The following FBN2 variants were observed in gnomAD, a reference collection of about 807,000 sequenced individuals.
The protein encoded by FBN2 is fibrillin 2.
In FBN2, 105 loss-of-function variants were observed where a neutral mutation model predicts 355.6. The observed-to-expected ratio is 0.30, with a 90% confidence interval of 0.25 to 0.35. The LOEUF is 0.35. FBN2 is among the 10% of genes least tolerant of loss of function. FBN2 has a pLI of 1.00. For missense variants in FBN2, 3,280 were observed against 3,758.7 expected (o/e 0.87, Z 3.33); for synonymous variants, 1,350 against 1,301.2 (o/e 1.04, Z -0.81).
chr5:128,419,824 T>C (rs1753299614), intron 7 of FBN2, among the ~76,000 whole-genome samples: 1 of 152,012 alleles, frequency 6.6e-6, no homozygotes, highest in African/African-American at 2.4e-5. Context: ...TCCCAAGTAC[T>C]AGCTTGGATT....
intron 7 of FBN2, 28 bp from the exon 8 acceptor site, chr5:128,408,827 T>A (rs775842678): frequency 6.2e-7 from 1 of 1,613,510 alleles, no homozygotes; most frequent in Admixed American, 1.7e-5. Context: ...GAGAAGATGA[T>A]TGAGAAAGGC....
chr5:128,483,732 G>T (rs1245013660), intron 5 of FBN2, among the ~76,000 whole-genome samples: 3 of 151,990 alleles, frequency 2.0e-5, no homozygotes, highest in African/African-American at 7.3e-5. Flanking sequence ...GGCAATCAGG[G>T]GTGGGGGGTG....
In FBN2 at chr5:128,506,989, TTTG is replaced by T. The variant is rs532250767; in HGVS notation, c.628+12281_628+12283del. Among the ~76,000 whole-genome samples the T allele has an allele frequency of 7.2e-4, 110 of 152,186 alleles. 1 individual carries two copies. The South Asian group carries it at 0.013, about 18-fold the overall frequency. On this transcript the variant is annotated intron_variant, in intron 5 of 64. Coordinates refer to ENST00000262464, the MANE Select transcript of FBN2 (RefSeq NM_001999.4). ...ATATTATTGATACATTTGCTAAAAT[TTTG>T]TTGAGAAATTGTATATCATAATTGA...
rs115223340 is a variant in FBN2 at position 128,287,347 on chromosome 5, T to G, written c.6841A>C (p.Ile2281Leu). 2 of 1,613,910 alleles carry G rather than the reference T, an allele frequency of 1.2e-6. No homozygotes were observed. Among genetic ancestry groups the G allele is most frequent in the Non-Finnish European group, 1.7e-6 (2 of 1,179,938 alleles). ...TFGSYECTCP[I>L]GYALREDQKM... ...TGATCTTCCCTGAGGGCATAGCCAA[T>G]CGGGCACGTGCATTCATAGGACCCA... The change falls in exon 54 of 65, where the codon ATT (isoleucine) becomes CTT (leucine). Residue 2281 changes from isoleucine (I) to leucine (L), a missense_variant. By Grantham distance (5) the Ile-to-Leu change is conservative (BLOSUM62 2). Coordinates refer to ENST00000262464, the MANE Select transcript of FBN2 (RefSeq NM_001999.4).
At chr5:128,341,704 A>G (rs1205258226) in intron 25 of FBN2, among the ~76,000 whole-genome samples, 1 of 152,042 alleles carries the variant, frequency 6.6e-6, no homozygotes, top group Admixed American at 6.5e-5. Flanking sequence ...TCATAGCCCC[A>G]TTTCTTTCTC....
Position 128,263,603 on chromosome 5 carries a change from T to C in FBN2, c.8014A>G (p.Thr2672Ala). The change falls in exon 63 of 65, where the codon ACC becomes GCC. Residue 2672 changes from threonine to alanine, a missense_variant. By Grantham distance (58) the Thr-to-Ala change is moderately conservative (BLOSUM62 0). Around this residue, in one of 6 missense-constraint regions of FBN2, gnomAD observed 311 missense variants for 319.1 expected, o/e 0.97. Transcript: ENST00000262464. ...CAGGCGCACTTGTAACTCCCCAGGGTGTTGTAGCAGGAAGCAGAGCCACAG... is the reference window on the plus strand; with the variant it reads ...CAGGCGCACTTGTAACTCCCCAGGGCGTTGTAGCAGGAAGCAGAGCCACAG... ...NACGSASCYN[T>A]LGSYKCACPS... 6.2e-7 allele frequency: 1 copy of C among 1,613,760 alleles called. No homozygotes were observed. Among genetic ancestry groups the C allele is most frequent in the Non-Finnish European group, 8.5e-7 (1 of 1,179,934 alleles).
At chr5:128,320,180 T>C (rs924675662) in intron 34 of FBN2, among the ~76,000 whole-genome samples, 1 of 152,068 alleles carries the variant, frequency 6.6e-6, no homozygotes, top group African/African-American at 2.4e-5. Context: ...TGTTAATTTA[T>C]ACTCAAAAAG....
intron 14 of FBN2, among the ~76,000 whole-genome samples, chr5:128,376,370 T>A (rs954822183): frequency 6.6e-6 from 1 of 152,154 alleles, no homozygotes; most frequent in African/African-American, 2.4e-5. Flanking sequence ...CAGTGGAAAA[T>A]CTAGTTCTGA....
chr5:128,291,503 G>T (rs1190047964), intron 49 of FBN2, 26 bp downstream of exon 49: 2 of 1,612,934 alleles, frequency 1.2e-6, no homozygotes, highest in South Asian at 2.2e-5. Context: ...CGTGAACTGT[G>T]ACAGTGAAGT....
At chr5:128,444,852 A>T (rs1214529078) in intron 7 of FBN2, among the ~76,000 whole-genome samples, 1 of 152,252 alleles carries the variant, frequency 6.6e-6, no homozygotes, top group Non-Finnish European at 1.5e-5. Flanking sequence ...ATAATCAGTC[A>T]GTGGCTGTGC....
In FBN2 at chr5:128,290,735, C is replaced by T; in HGVS notation, c.6442G>A (p.Glu2148Lys). The T allele has an allele frequency of 6.2e-7, 1 of 1,614,146 alleles. No individual in the cohort carries two copies. Among genetic ancestry groups the T allele is most frequent in the Non-Finnish European group, 8.5e-7 (1 of 1,179,970 alleles). ...CTGATGATGTCATTGCTCTTACCTT[C>T]ATCGTCTTTGGGGCACAGCTCACAG... The part of the protein sequence containing the change: ...DPCELCPKDD[E>K]VAFQDLCPYG... The change falls in exon 50 of 65, where the codon GAA becomes AAA. Residue 2148 changes from glutamate to lysine, a missense_variant. Physicochemically the swap from Glu to Lys is moderately conservative, Grantham distance 56. This residue lies in a region of FBN2 where 2,284 missense variants were observed against 2,749.5 expected (regional missense o/e 0.83). Coordinates refer to ENST00000262464, the MANE Select transcript of FBN2 (RefSeq NM_001999.4).
At chr5:128,310,966 T>C (rs895065659) in intron 39 of FBN2, among the ~76,000 whole-genome samples, 1 of 152,182 alleles carries the variant, frequency 6.6e-6, no homozygotes, top group Non-Finnish European at 1.5e-5. Flanking sequence ...AATGGTCACA[T>C]TTTAGCTTAC....
In FBN2 at chr5:128,330,667, G is replaced by A. The variant is rs1750669469; in HGVS notation, c.4251C>T (p.His1417=). ...IDLDECSNGT[H]QCSINAQCVN... ...CACACTGAGCATTGATGCTACACTG[G>A]TGGGTTCCATTAGAACATTCGTCCA... Residue 1417 remains histidine (H), a synonymous_variant, in exon 33 of 65, where the codon CAC becomes CAT. Transcript: ENST00000262464. 2 of 1,613,858 alleles carry A rather than the reference G, an allele frequency of 1.2e-6. No homozygotes were observed. The highest frequency in any genetic ancestry group is 1.7e-6 in the Non-Finnish European group (2 of 1,179,756).
rs1271232172 is a variant in FBN2 at position 128,432,470 on chromosome 5, C to T, written c.952+14011G>A. 5.3e-5 allele frequency among the ~76,000 whole-genome samples: 8 copies of T among 152,272 alleles called. No individual in the cohort carries two copies. In the East Asian group the frequency reaches 1.4e-3, roughly 26 times the overall value. On this transcript the variant is annotated intron_variant, in intron 7 of 64. Transcript: ENST00000262464. ...TTACTGGAACACAGCCTCACTCATT[C>T]GTTTTTACTGTCTATGGCGGATTTT... is the stretch of plus-strand genomic sequence containing the variant.
In FBN2 at chr5:128,523,511, A is replaced by G. The variant is rs572472306; in HGVS notation, c.533-4143T>C. On this transcript the variant is annotated intron_variant, in intron 4 of 64. Coordinates refer to ENST00000262464, the MANE Select transcript of FBN2 (RefSeq NM_001999.4). Reference sequence around the variant, plus strand: ...TAAGCCTATGATTAAAATATTATCTATATAATAATTCGGTCTATACGGTCC... The same window carrying G: ...TAAGCCTATGATTAAAATATTATCTGTATAATAATTCGGTCTATACGGTCC... Among the ~76,000 whole-genome samples the G allele has an allele frequency of 6.6e-5, 10 of 152,268 alleles. No homozygotes were observed. The South Asian group carries it at 2.1e-3, about 32-fold the overall frequency.
At chr5:128,375,146 A>G (rs769352804) in intron 14 of FBN2, among the ~76,000 whole-genome samples, 1 of 152,224 alleles carries the variant, frequency 6.6e-6, no homozygotes, top group Non-Finnish European at 1.5e-5. Context: ...TGATAATAAC[A>G]AAATAACTTG....
At chr5:128,268,134 G>T (rs1314825469) in intron 62 of FBN2, among the ~76,000 whole-genome samples, 1 of 151,966 alleles carries the variant, frequency 6.6e-6, no homozygotes, top group Non-Finnish European at 1.5e-5. Flanking sequence ...CCACTAGCTA[G>T]ACTAATAAAG....
chr5:128,342,793 A>G lies in FBN2; in HGVS notation c.3343+1592T>C, dbSNP rs1244081141. 2.0e-5 allele frequency among the ~76,000 whole-genome samples: 3 copies of G among 151,526 alleles called. No homozygotes were observed. The East Asian group carries it at 5.8e-4, about 29-fold the overall frequency. ...GCCCAGGCTGGAGTGCAATAGCACG[A>G]TCTCGGCTCACCAAAACCTCCGCTT... On this transcript the variant is annotated intron_variant, in intron 25 of 64. Coordinates refer to ENST00000262464, the MANE Select transcript of FBN2 (RefSeq NM_001999.4).
intron 7 of FBN2, among the ~76,000 whole-genome samples, chr5:128,419,928 C>T (rs1753302747): frequency 6.6e-6 from 1 of 152,180 alleles, no homozygotes; most frequent in Non-Finnish European, 1.5e-5. Context: ...CTCCCAACCT[C>T]AGGTGATCTG....
Sources: gnomAD v4.1 joint callset for allele counts (sites outside exome capture counted in the v4.1 genomes callset) on GRCh38, gnomAD v4.1.1 for gene constraint, gnomAD v4.1.1 regional missense constraint, MANE v1.5 for transcripts, NCBI Gene and HGNC (gene_info 2026-07-23, HGNC 2026-07-21) for gene names.